TRAK1: variants seen among roughly 807,000 people sequenced by gnomAD.
TRAK1 encodes trafficking kinesin-binding protein 1.
TRAK1 carries 33 observed loss-of-function variants against 92.1 expected under a neutral mutation model. The ratio of observed to expected loss-of-function variants is 0.36; its 90% CI spans 0.27 to 0.48. The LOEUF (loss-of-function observed/expected upper bound fraction) is 0.48, where lower values mean the gene tolerates loss of function less well. TRAK1 is among the 20% of genes least tolerant of loss of function. The pLI is 0.99. For missense variants in TRAK1, 1,123 were observed against 1,257.9 expected, an observed-to-expected ratio of 0.89 and a Z score of 1.62; for synonymous variants, 521 against 517.3, an observed-to-expected ratio of 1.01 and a Z score of -0.10.
chr3:42,094,714 A>G (rs967783573), intron 1 of TRAK1, among the ~76,000 whole-genome samples: 5 of 152,248 alleles, frequency 3.3e-5, no homozygotes, highest in Non-Finnish European at 5.9e-5. Context: ...ATATAATGTT[A>G]TAAATCCTGT....
At chr3:42,020,564 G>A (rs1701685619) in intron 1 of TRAK1, among the ~76,000 whole-genome samples, 1 of 151,928 alleles carries the variant, frequency 6.6e-6, no homozygotes, top group African/African-American at 2.4e-5. Context: ...ATGGACATTT[G>A]TTTTTTTTCC....
intron 1 of TRAK1, among the ~76,000 whole-genome samples, chr3:42,040,563 G>A (rs1411423351): frequency 2.0e-5 from 3 of 152,084 alleles, no homozygotes; most frequent in Non-Finnish European, 4.4e-5. Context: ...TTTCCATATT[G>A]AGTTGCCTTA....
Position 42,187,981 on chromosome 3 carries a change from G to A in TRAK1, c.481-64G>A, listed in dbSNP as rs576896092. On this transcript the variant is annotated intron_variant, in intron 4 of 15. Transcript: ENST00000327628. ...GTCCCTAAGTGTTAAGTGTTGGAATGTGAGTCGGGGGGGACAGTATCACCT... is the reference window on the plus strand; with the variant it reads ...GTCCCTAAGTGTTAAGTGTTGGAATATGAGTCGGGGGGGACAGTATCACCT... 2.9e-6 allele frequency: 4 copies of A among 1,371,424 alleles called. No homozygotes were observed. The South Asian group carries it at 3.5e-5, about 12-fold the overall frequency. 85.0% of individuals were successfully genotyped at this position (1,371,424 alleles called of 1,614,324 possible).
intron 2 of TRAK1, chr3:42,149,407 G>A (rs1223432063): frequency 6.7e-7 from 1 of 1,487,688 alleles, no homozygotes; most frequent in African/African-American, 1.4e-5. Context: ...AGAATGTACA[G>A]CCTAATTCTG....
At chr3:42,210,165 C>T in intron 14 of TRAK1, 180 bp downstream of exon 14, 1 of 1,591,602 alleles carries the variant, frequency 6.3e-7, no homozygotes, top group East Asian at 2.2e-5. Flanking sequence ...GGCACCTTTC[C>T]CGGAGGCAGA....
At chr3:42,203,091 A>T in intron 13 of TRAK1, 1 of 1,231,964 alleles carries the variant, frequency 8.1e-7, no homozygotes, top group South Asian at 4.2e-5. Context: ...CTGATTCAAA[A>T]ATTAATTAGG....
At chr3:42,058,933 T>C (rs1703312291) in intron 1 of TRAK1, among the ~76,000 whole-genome samples, 1 of 152,218 alleles carries the variant, frequency 6.6e-6, no homozygotes, top group South Asian at 2.1e-4. Context: ...GATTTACTCT[T>C]TACCATCTGC....
chr3:42,139,205 C>T (rs2055286), intron 2 of TRAK1, among the ~76,000 whole-genome samples: 2,453 of 152,240 alleles, frequency 0.016, 69 homozygotes, highest in African/African-American at 0.056. Flanking sequence ...TCTGTCATCC[C>T]TAAGCTCTGG....
At chr3:42,029,235 C>T (rs149370383) in intron 1 of TRAK1, among the ~76,000 whole-genome samples, 148 of 152,278 alleles carry the variant, frequency 9.7e-4, no homozygotes, top group African/African-American at 3.4e-3. Flanking sequence ...GAGATTTGGG[C>T]GGGGACAGAG....
At position 42,038,803 on chromosome 3, in the gene TRAK1, GTTTT is replaced by G. The variant is rs35147167; in HGVS notation, c.-519+24703_-519+24706del. On this transcript the variant is annotated intron_variant, in intron 1 of 16. Transcript: ENST00000487159. ...ACTTCATCTCAAAAAAAAAAAAAAA[GTTTT>G]TTTTTTTTTTTTTTTTGGTAGAGAC... 6.4e-3 allele frequency among the ~76,000 whole-genome samples: 619 copies of G among 96,732 alleles called. 31 individuals are homozygous for G. In the East Asian group the frequency reaches 0.13, roughly 20 times the overall value. The allele number at this position is 96,732 out of a possible 152,430, so 63.5% of individuals were successfully genotyped here.
rs142002654 is a variant in TRAK1 at position 42,101,945 on chromosome 3, G to A, written c.91+10385G>A. Among the ~76,000 whole-genome samples, 655 of 152,184 alleles carry A rather than the reference G, an allele frequency of 4.3e-3. 4 individuals are homozygous for A. Among genetic ancestry groups the A allele is most frequent in the African/African-American group, 0.015 (632 of 41,532 alleles). On this transcript the variant is annotated intron_variant, in intron 1 of 15. Transcript: ENST00000327628. ...TCGTTTCAGGTCATTGAAAATCCCG[G>A]CAACCAAAGCTTATTGTTCTTAAGT...
chr3:42,035,273 C>T (rs1356345594), intron 1 of TRAK1, among the ~76,000 whole-genome samples: 1 of 152,162 alleles, frequency 6.6e-6, no homozygotes, highest in Non-Finnish European at 1.5e-5. Context: ...ACCACACCAC[C>T]TTAATTGCCT....
At position 42,186,419 on chromosome 3, in the gene TRAK1, A is replaced by G. The variant is rs1226116843; in HGVS notation, c.480+1618A>G. ...TTGTCTGGGTTTAACAGTAGTTTTA[A>G]TATGATGAAGCATAGTCGCCACTAT... On this transcript the variant is annotated intron_variant, in intron 4 of 15. Transcript: ENST00000327628. Among the ~76,000 whole-genome samples the G allele has an allele frequency of 2.0e-5, 3 of 152,298 alleles. 1 individual carries two copies. The highest frequency in any genetic ancestry group is 6.8e-3 in the Middle Eastern group (2 of 294).
chr3:42,044,755 A>G (rs1413084306), intron 1 of TRAK1, among the ~76,000 whole-genome samples: 1 of 152,208 alleles, frequency 6.6e-6, no homozygotes, highest in Non-Finnish European at 1.5e-5. Context: ...TTTGTTATTA[A>G]GAAGATTTCA....
chr3:42,214,465 T>G (rs1709430698), intron 14 of TRAK1, among the ~76,000 whole-genome samples: 1 of 152,230 alleles, frequency 6.6e-6, no homozygotes, highest in African/African-American at 2.4e-5. Flanking sequence ...CAAAGGGATT[T>G]CTGCATTTGC....
intron 1 of TRAK1, among the ~76,000 whole-genome samples, chr3:42,045,261 A>G (rs145313806): frequency 3.0e-4 from 45 of 152,290 alleles, no homozygotes; most frequent in Middle Eastern, 3.4e-3. Flanking sequence ...CAGGCCGGGC[A>G]TGGTGACTCA....
chr3:42,150,170 T>G (rs1576634345), intron 2 of TRAK1, among the ~76,000 whole-genome samples: 3 of 145,236 alleles, frequency 2.1e-5, no homozygotes, highest in African/African-American at 2.6e-5. Context: ...GAGATGGGGG[T>G]GGGGAGGTGA....
At chr3:42,180,693 AAAG>A (rs1703887576) in intron 3 of TRAK1, among the ~76,000 whole-genome samples, 1 of 151,776 alleles carries the variant, frequency 6.6e-6, no homozygotes, top group Non-Finnish European at 1.5e-5. Flanking sequence ...AAAAAAAAAA[AAAG>A]AAAAAGGAAA....
intron 1 of TRAK1, among the ~76,000 whole-genome samples, chr3:42,109,690 T>C (rs1441958196): frequency 6.6e-6 from 1 of 152,126 alleles, no homozygotes; most frequent in African/African-American, 2.4e-5. Flanking sequence ...TAGCAAAGAC[T>C]TGGAACCAAC....
Sources: gnomAD v4.1 joint callset for allele counts (sites outside exome capture counted in the v4.1 genomes callset) on GRCh38, gnomAD v4.1.1 for gene constraint, MANE v1.5 for transcripts, NCBI Gene and HGNC (gene_info 2026-07-23, HGNC 2026-07-21) for gene names.